Variants in GLT6D1 observed in about 807,000 individuals in gnomAD.
GLT6D1 encodes putative glycosyltransferase 6 domain-containing protein 1.
Under a neutral mutation model 12.3 loss-of-function variants are expected in GLT6D1, and 9 were observed. The observed-to-expected ratio is 0.73, with a 90% CI of 0.44 to 1.27. The LOEUF (loss-of-function observed/expected upper bound fraction) is 1.27. Ranked by LOEUF, GLT6D1 falls within the 50% of genes most tolerant of loss-of-function variation. GLT6D1 has a pLI of 0.00. For synonymous variants in GLT6D1, 128 were observed against 132.3 expected, an observed-to-expected ratio of 0.97 and a Z score of 0.23; for missense variants, 335 against 346.2, an observed-to-expected ratio of 0.97 and a Z score of 0.26.
At chr9:135,629,124 T>C (rs1588201138) in intron 3 of GLT6D1, among the ~76,000 whole-genome samples, 1 of 152,102 alleles carries the variant, frequency 6.6e-6, no homozygotes, top group African/African-American at 2.4e-5. Context: ...ATTTTCTTAA[T>C]GTATAAATTT....
At chr9:135,631,401 G>C (rs770095300) in intron 3 of GLT6D1, 30 bp downstream of exon 3, 135 of 1,549,238 alleles carry the variant, frequency 8.7e-5, no homozygotes, top group Non-Finnish European at 1.2e-4. Flanking sequence ...TTGTTTGTGT[G>C]TGCATGTAAA....
chr9:135,628,517 A>C lies in GLT6D1; in HGVS notation c.120-2311T>G, dbSNP rs565462951. ...ATAGTATTTTGCTGAAAAGTTCTGCATTTATATTCATATGGGATATTGGTC... is the reference window on the plus strand; with the variant it reads ...ATAGTATTTTGCTGAAAAGTTCTGCCTTTATATTCATATGGGATATTGGTC... On this transcript the variant is annotated intron_variant, in intron 3 of 4. Coordinates refer to ENST00000371763, the MANE Select transcript of GLT6D1 (RefSeq NM_182974.3). Among the ~76,000 whole-genome samples the C allele has an allele frequency of 1.3e-3, 199 of 152,094 alleles. 1 individual carries two copies. The highest frequency in any genetic ancestry group is 4.6e-3 in the African/African-American group (192 of 41,528).
At position 135,624,059 on chromosome 9, in the gene GLT6D1, G is replaced by A; in HGVS notation, c.*38C>T. 2.2e-6 allele frequency: 3 copies of A among 1,357,738 alleles called. No individual in the cohort carries two copies. Among genetic ancestry groups the A allele is most frequent in the Non-Finnish European group, 3.1e-6 (3 of 963,380 alleles). The allele number at this position is 1,357,738 out of a possible 1,614,324, so 84.1% of individuals were successfully genotyped here. A position where few individuals can be genotyped will look rare whatever the true frequency, so the allele number is the denominator to read the frequency against. ...GACGTATTGGATCTGTGGAGGAGGA[G>A]AAAATGCAAGATCCCAGCTGTATGC... On this transcript the variant is annotated 3_prime_UTR_variant, in exon 5 of 5. Transcript: ENST00000371763.
In GLT6D1 at chr9:135,624,070, A is replaced by T. The variant is rs1390560040; in HGVS notation, c.*27T>A. 6.9e-7 allele frequency: 1 copy of T among 1,455,904 alleles called. No individual in the cohort carries two copies. Among genetic ancestry groups the T allele is most frequent in the Admixed American group, 1.8e-5 (1 of 54,588 alleles). The allele number at this position is 1,455,904 out of a possible 1,614,324, so 90.2% of individuals were successfully genotyped here. ...TCTGTGGAGGAGGAGAAAATGCAAGATCCCAGCTGTATGCTGGTGATAACA... is the reference window on the plus strand; with the variant it reads ...TCTGTGGAGGAGGAGAAAATGCAAGTTCCCAGCTGTATGCTGGTGATAACA... On this transcript the variant is annotated 3_prime_UTR_variant, in exon 5 of 5. Transcript: ENST00000371763.
At chr9:135,638,845 C>T (rs1366470894) in intron 2 of GLT6D1, among the ~76,000 whole-genome samples, 1 of 152,130 alleles carries the variant, frequency 6.6e-6, no homozygotes, top group Non-Finnish European at 1.5e-5. Flanking sequence ...TCTCTGCCAG[C>T]CTGGACAACA....
At chr9:135,627,025 A>C (rs1391447519) in intron 3 of GLT6D1, among the ~76,000 whole-genome samples, 1 of 152,176 alleles carries the variant, frequency 6.6e-6, no homozygotes, top group African/African-American at 2.4e-5. Flanking sequence ...AACATCTACA[A>C]ATATCCTACA....
upstream of GLT6D1, among the ~76,000 whole-genome samples, chr9:135,639,807 A>G (rs923247787): frequency 5.9e-5 from 9 of 151,298 alleles, no homozygotes; most frequent in African/African-American, 1.9e-4. Context: ...CTGTGTGTCC[A>G]CACAAAATGC....
intron 2 of GLT6D1, 140 bp from the exon 3 acceptor site, chr9:135,631,618 A>C: frequency 1.4e-6 from 1 of 706,796 alleles, no homozygotes; most frequent in Non-Finnish European, 2.6e-6. Context: ...CAGAGAAGAG[A>C]TATCTCAGCT....
chr9:135,634,775 C>T (rs1833733464), intron 2 of GLT6D1, among the ~76,000 whole-genome samples: 1 of 151,006 alleles, frequency 6.6e-6, no homozygotes, highest in Non-Finnish European at 1.5e-5. Flanking sequence ...CTGGATCCCA[C>T]CCAGCACGCC....
chr9:135,635,920 T>C (rs1833764057), intron 2 of GLT6D1, among the ~76,000 whole-genome samples: 1 of 152,194 alleles, frequency 6.6e-6, no homozygotes, highest in South Asian at 2.1e-4. Flanking sequence ...CCATGCCTCA[T>C]CCATTTATTT....
At chr9:135,640,029 T>C (rs1467446462), upstream of GLT6D1, among the ~76,000 whole-genome samples, 1 of 152,084 alleles carries the variant, frequency 6.6e-6, no homozygotes, top group East Asian at 1.9e-4. Context: ...GCCAGGCTGG[T>C]CTCAAACTGC....
chr9:135,626,011 G>A (rs1833505490), intron 4 of GLT6D1, 58 bp downstream of exon 4: 4 of 1,586,648 alleles, frequency 2.5e-6, no homozygotes, highest in South Asian at 2.3e-5. Context: ...TTAAAGGCTC[G>A]TGAATGCTGA....
intron 3 of GLT6D1, among the ~76,000 whole-genome samples, chr9:135,628,368 T>A (rs886771810): frequency 3.7e-4 from 56 of 152,144 alleles, no homozygotes; most frequent in Non-Finnish European, 5.9e-5. Context: ...ATTCTATTAA[T>A]ACAGTGTATT....
chr9:135,627,447 CTCCCTGCAA>C (rs941153299), intron 3 of GLT6D1, among the ~76,000 whole-genome samples: 1 of 152,222 alleles, frequency 6.6e-6, no homozygotes, highest in African/African-American at 2.4e-5. Context: ...CCATTCCCTT[CTCCCTGCAA>C]TCCCTGCAAC....
At position 135,624,512 on chromosome 9, in the gene GLT6D1, G is replaced by A. The variant is rs201060314; in HGVS notation, c.416C>T (p.Thr139Ile). The A allele has an allele frequency of 5.6e-5, 91 of 1,614,020 alleles. No individual in the cohort carries two copies. In the Admixed American group the frequency reaches 7.7e-4, roughly 14 times the overall value. ...GGGGCCATCGAGCCACCACCTCTCG[G>A]TGCCCACTTTAAATGCTTTGAACGT... ...LRTFKAFKVG[T>I]ERWWLDGPLV... Residue 139 changes from threonine (T) to isoleucine (I), a missense_variant, in exon 5 of 5, where the codon ACC becomes ATC. By Grantham distance (89) the Thr-to-Ile change is moderately conservative. Coordinates refer to ENST00000371763, the MANE Select transcript of GLT6D1 (RefSeq NM_182974.3).
chr9:135,624,896 AT>A (rs397894316), intron 4 of GLT6D1, among the ~76,000 whole-genome samples: 2,293 of 126,086 alleles, frequency 0.018, 20 homozygotes, highest in Middle Eastern at 0.041. Flanking sequence ...CGCCCAGGTA[AT>A]TTTTTTTTTT....
rs1370677692 is a variant in GLT6D1, at chr9:135,639,170, CA to C, written c.17del (p.Met6SerfsTer11). On this transcript the variant is annotated frameshift_variant, in exon 2 of 5. Transcript: ENST00000371763. LOFTEE classifies it high-confidence loss of function. MNSKR[M>X]LLLVLFAFSL... ...AAAAAGCAAATAAAACCAATAACAG[CA>C]TTCTTTTAGAATTCATTCTCTCCTA... 1 of 1,584,970 alleles carries C rather than the reference CA, an allele frequency of 6.3e-7. No individual in the cohort carries two copies. Among genetic ancestry groups the C allele is most frequent in the South Asian group, 1.1e-5 (1 of 89,784 alleles).
intron 3 of GLT6D1, among the ~76,000 whole-genome samples, chr9:135,628,593 G>T (rs992134844): frequency 6.6e-6 from 1 of 151,952 alleles, no homozygotes; most frequent in Non-Finnish European, 1.5e-5. Context: ...GGGTAATACT[G>T]GTCTAGAATG....
Position 135,630,426 on chromosome 9 carries a change from A to G in GLT6D1, c.119+1005T>C, listed in dbSNP as rs138229756. On this transcript the variant is annotated intron_variant, in intron 3 of 4. Transcript: ENST00000371763. The stretch of plus-strand genomic sequence containing the variant: ...TCTCAGAAAAAAAAAAAAAAAGAAG[A>G]CTACACAAAAGATGAAATATGAATG... 2.0e-5 allele frequency among the ~76,000 whole-genome samples: 3 copies of G among 150,104 alleles called. No individual in the cohort carries two copies. The East Asian group carries it at 5.9e-4, about 29-fold the overall frequency.
Sources: allele counts gnomAD v4.1 joint callset (sites outside exome capture counted in the v4.1 genomes callset), GRCh38; gene constraint gnomAD v4.1.1; transcripts MANE v1.5; gene names NCBI Gene and HGNC (gene_info 2026-07-23, HGNC 2026-07-21).